Variants in B3GALT4 observed in about 807,000 individuals in gnomAD.
The protein encoded by B3GALT4 is beta-1,3-galactosyltransferase 4.
Under a neutral mutation model 1.6 loss-of-function variants are expected in B3GALT4, and 1 was observed. The ratio of observed to expected loss-of-function variants is 0.64; its 90% CI spans 0.23 to 3.05. The LOEUF is 3.05. Among genes scored for constraint, B3GALT4 ranks in the 30% most tolerant of loss-of-function variants. The pLI, the probability that B3GALT4 is intolerant of heterozygous loss-of-function variation, is 0.21. For missense variants in B3GALT4, 441 were observed against 486.9 expected (o/e 0.91, Z 0.89); for synonymous variants, 259 against 222.6 (o/e 1.16, Z -1.46).
At position 33,277,941 on chromosome 6, in the gene B3GALT4, G is replaced by C. The variant is rs113873727; in HGVS notation, c.522G>C (p.Thr174=). Residue 174 remains threonine, a synonymous_variant, in exon 1 of 1, where the codon ACG becomes ACC. Coordinates refer to ENST00000451237, the MANE Select transcript of B3GALT4 (RefSeq NM_003782.4). The surrounding 1 kb of genome is among the most constrained non-coding windows in gnomAD (Gnocchi z 5.3). ...HCPMARYVLK[T]DDDVYVNVPE... ...CCATGGCCCGATACGTCCTCAAGACGGACGATGATGTGTATGTCAACGTCC... is the reference window on the plus strand; with the variant it reads ...CCATGGCCCGATACGTCCTCAAGACCGACGATGATGTGTATGTCAACGTCC... The C allele has an allele frequency of 2.5e-6, 4 of 1,614,222 alleles. No individual in the cohort carries two copies. The highest frequency in any genetic ancestry group is 3.4e-6 in the Non-Finnish European group (4 of 1,180,042).
Position 33,278,726 on chromosome 6 carries a change from TGGTCATC to T in B3GALT4, c.*173_*179del. 8.1e-7 allele frequency: 1 copy of T among 1,228,174 alleles called. No individual in the cohort carries two copies. The highest frequency in any genetic ancestry group is 2.9e-5 in the East Asian group (1 of 34,050). The allele number at this position is 1,228,174 out of a possible 1,614,324, so 76.1% of individuals were successfully genotyped here. A position where few individuals can be genotyped will look rare whatever the true frequency, so the allele number is the denominator to read the frequency against. On this transcript the variant is annotated 3_prime_UTR_variant, in exon 1 of 1. Transcript: ENST00000451237. This position sits in a 1 kb window ranked among gnomAD's most constrained non-coding sequence, Gnocchi z 5.2. ...GGGCCTGGCCCGCCAGCCCAAAAGA[TGGTCATC>T]GGGAAGAGAAAAAGAAAAAAATGCT...
rs374734843 is a variant in B3GALT4 at position 33,277,189 on chromosome 6, A to G, written c.-231A>G. 1.6e-6 allele frequency: 1 copy of G among 610,608 alleles called. No individual in the cohort carries two copies. Among genetic ancestry groups the G allele is most frequent in the Non-Finnish European group, 2.6e-6 (1 of 384,276 alleles). 37.8% of individuals were successfully genotyped at this position (610,608 alleles called of 1,614,324 possible). On this transcript the variant is annotated 5_prime_UTR_variant, in exon 1 of 1. Transcript: ENST00000451237. The surrounding 1 kb of genome is among the most constrained non-coding windows in gnomAD (Gnocchi z 5.3). ...CCGCAGTCGGCCAGCCATGGAGCGG[A>G]GCTTGCTGGCGGCGAGGCCGCGGCG...
At position 33,277,447 on chromosome 6, in the gene B3GALT4, C is replaced by T. The variant is rs1765728480; in HGVS notation, c.28C>T (p.Leu10Phe). 1.9e-6 allele frequency: 3 copies of T among 1,612,292 alleles called. No individual in the cohort carries two copies. Among genetic ancestry groups the T allele is most frequent in the South Asian group, 1.1e-5 (1 of 91,050 alleles). ...GCAGCTCAGGCTCTTCCGGCGCCTC[C>T]TTCTCGCCGCTTTGCTGCTGGTGAT... MQLRLFRRL[L>F]LAALLLVIVW... The change falls in exon 1 of 1, where the codon CTT becomes TTT. Residue 10 changes from leucine to phenylalanine, a missense_variant. Physicochemically the swap from Leu to Phe is conservative, Grantham distance 22 (BLOSUM62 0). Coordinates refer to ENST00000451237, the MANE Select transcript of B3GALT4 (RefSeq NM_003782.4). This position sits in a 1 kb window ranked among gnomAD's most constrained non-coding sequence, Gnocchi z 5.3.
rs1445285786 is a variant in B3GALT4, at chr6:33,277,932, C to T, written c.513C>T (p.Val171=). 2 of 1,614,216 alleles carry T rather than the reference C, an allele frequency of 1.2e-6. No homozygotes were observed. The highest frequency in any genetic ancestry group is 1.7e-5 in the Admixed American group (1 of 60,032). Residue 171 remains valine, a synonymous_variant, in exon 1 of 1, where the codon GTC becomes GTT. Transcript: ENST00000451237. This position sits in a 1 kb window ranked among gnomAD's most constrained non-coding sequence, Gnocchi z 5.3. ...AEKHCPMARY[V]LKTDDDVYVN... ...AACACTGCCCCATGGCCCGATACGT[C>T]CTCAAGACGGACGATGATGTGTATG...
In B3GALT4 at chr6:33,277,455, C is replaced by T. The variant is rs1765730149; in HGVS notation, c.36C>T (p.Ala12=). Reference sequence around the variant, plus strand: ...GGCTCTTCCGGCGCCTCCTTCTCGCCGCTTTGCTGCTGGTGATCGTCTGGA... The same window carrying T: ...GGCTCTTCCGGCGCCTCCTTCTCGCTGCTTTGCTGCTGGTGATCGTCTGGA... ...QLRLFRRLLL[A]ALLLVIVWTL... The change falls in exon 1 of 1, where the codon GCC becomes GCT. Residue 12 remains alanine, a synonymous_variant. Transcript: ENST00000451237. This position sits in a 1 kb window ranked among gnomAD's most constrained non-coding sequence, Gnocchi z 5.3. 6.2e-7 allele frequency: 1 copy of T among 1,612,554 alleles called. No individual in the cohort carries two copies. Among genetic ancestry groups the T allele is most frequent in the Non-Finnish European group, 8.5e-7 (1 of 1,179,966 alleles).
chr6:33,278,772 C>A lies in B3GALT4; in HGVS notation c.*216C>A. ...GAAAAAAATGCTGCAGTTGTTCTCT[C>A]AAGCTAGGGCAGAAGAGGGGTGTCA... On this transcript the variant is annotated 3_prime_UTR_variant, in exon 1 of 1. Transcript: ENST00000451237. This position sits in a 1 kb window ranked among gnomAD's most constrained non-coding sequence, Gnocchi z 5.2. 1.2e-6 allele frequency: 1 copy of A among 812,600 alleles called. No homozygotes were observed. Among genetic ancestry groups the A allele is most frequent in the Non-Finnish European group, 1.8e-6 (1 of 565,762 alleles). 50.3% of individuals were successfully genotyped at this position (812,600 alleles called of 1,614,324 possible).
Position 33,277,377 on chromosome 6 carries a change from T to G in B3GALT4, c.-43T>G. On this transcript the variant is annotated 5_prime_UTR_variant, in exon 1 of 1. Transcript: ENST00000451237. This position sits in a 1 kb window ranked among gnomAD's most constrained non-coding sequence, Gnocchi z 5.3. ...GTGACCCAGGCCCGGGGAGCTAGTC[T>G]CCGCCCTTCGCTCTTACGGATCCCC... The G allele has an allele frequency of 6.3e-6, 10 of 1,588,648 alleles. No homozygotes were observed. Among genetic ancestry groups the G allele is most frequent in the Non-Finnish European group, 7.7e-6 (9 of 1,171,146 alleles).
In B3GALT4 at chr6:33,277,329, C is replaced by T. The variant is rs987552032; in HGVS notation, c.-91C>T. 4.0e-6 allele frequency: 6 copies of T among 1,503,714 alleles called. No homozygotes were observed. The African/African-American group carries it at 7.0e-5, about 18-fold the overall frequency. The allele number at this position is 1,503,714 out of a possible 1,614,324, so 93.1% of individuals were successfully genotyped here. A position where few individuals can be genotyped will look rare whatever the true frequency, so the allele number is the denominator to read the frequency against. ...CGCGCTCAGACCTCCGCATCCCGGG[C>T]GTGGTCGGTTAAGTCCCCGGCCGTG... On this transcript the variant is annotated 5_prime_UTR_variant, in exon 1 of 1. Coordinates refer to ENST00000451237, the MANE Select transcript of B3GALT4 (RefSeq NM_003782.4). This position sits in a 1 kb window ranked among gnomAD's most constrained non-coding sequence, Gnocchi z 5.3.
chr6:33,278,135 C>T lies in B3GALT4; in HGVS notation c.716C>T (p.Thr239Ile). The T allele has an allele frequency of 6.2e-7, 1 of 1,613,700 alleles. No homozygotes were observed. The highest frequency in any genetic ancestry group is 8.5e-7 in the Non-Finnish European group (1 of 1,179,962). The change falls in exon 1 of 1, where the codon ACA becomes ATA. Residue 239 changes from threonine (T) to isoleucine (I), a missense_variant. Thr to Ile is a moderately conservative substitution (Grantham distance 89). Transcript: ENST00000451237. This position sits in a 1 kb window ranked among gnomAD's most constrained non-coding sequence, Gnocchi z 5.2. ...CACTGGCGCGTGAACCCCTCTCGGACACCGGGGGGCAGGCACCGCGTATCA... is the reference window on the plus strand; with the variant it reads ...CACTGGCGCGTGAACCCCTCTCGGATACCGGGGGGCAGGCACCGCGTATCA... ...RVHWRVNPSR[T>I]PGGRHRVSEE...
At position 33,277,578 on chromosome 6, in the gene B3GALT4, G is replaced by A; in HGVS notation, c.159G>A (p.Leu53=). The part of the protein sequence containing the change: ...APASPGPPLA[L]PRLLIPNQEA... ...CCTCACCGGGGCCGCCCCTGGCCCT[G>A]CCCCGCCTCTTGATCCCCAACCAGG... The change falls in exon 1 of 1, where the codon CTG becomes CTA. Residue 53 remains leucine, a synonymous_variant. Transcript: ENST00000451237. The surrounding 1 kb of genome is among the most constrained non-coding windows in gnomAD (Gnocchi z 5.3). The A allele has an allele frequency of 1.2e-6, 2 of 1,611,766 alleles. No homozygotes were observed. The highest frequency in any genetic ancestry group is 1.7e-6 in the Non-Finnish European group (2 of 1,179,094).
chr6:33,277,313 ACCT>A lies in B3GALT4; in HGVS notation c.-104_-102del, dbSNP rs1413825133. On this transcript the variant is annotated 5_prime_UTR_variant, in exon 1 of 1. Transcript: ENST00000451237. The surrounding 1 kb of genome is among the most constrained non-coding windows in gnomAD (Gnocchi z 5.3). The stretch of plus-strand genomic sequence containing the variant: ...GCGCTGGTCCCGGTCGCGCGCTCAG[ACCT>A]CCGCATCCCGGGCGTGGTCGGTTAA... The A allele has an allele frequency of 3.4e-6, 5 of 1,492,512 alleles. No homozygotes were observed. The highest frequency in any genetic ancestry group is 2.7e-6 in the Non-Finnish European group (3 of 1,130,670). The allele number at this position is 1,492,512 out of a possible 1,614,324, so 92.5% of individuals were successfully genotyped here. A position where few individuals can be genotyped will look rare whatever the true frequency, so the allele number is the denominator to read the frequency against.
chr6:33,278,285 T>C lies in B3GALT4; in HGVS notation c.866T>C (p.Leu289Ser), dbSNP rs745864964. 1 of 1,613,818 alleles carries C rather than the reference T, an allele frequency of 6.2e-7. No homozygotes were observed. Among genetic ancestry groups the C allele is most frequent in the East Asian group, 2.2e-5 (1 of 44,872 alleles). ...GCCAGCCGGGCACCCCTTCTCCCAT[T>C]AGAGGATGTCTTTGTGGGGGTAAGT... ...KVASRAPLLP[L>S]EDVFVGVSAR... The change falls in exon 1 of 1, where the codon TTA (leucine) becomes TCA (serine). Residue 289 changes from leucine (L) to serine (S), a missense_variant. By Grantham distance (145) the Leu-to-Ser change is moderately radical. Coordinates refer to ENST00000451237, the MANE Select transcript of B3GALT4 (RefSeq NM_003782.4). This position sits in a 1 kb window ranked among gnomAD's most constrained non-coding sequence, Gnocchi z 5.2.
At position 33,277,629 on chromosome 6, in the gene B3GALT4, TC is replaced by T. The variant is rs756753916; in HGVS notation, c.213del (p.Phe72SerfsTer13). 6.2e-7 allele frequency: 1 copy of T among 1,613,332 alleles called. No individual in the cohort carries two copies. Among genetic ancestry groups the T allele is most frequent in the African/African-American group, 1.3e-5 (1 of 74,908 alleles). On this transcript the variant is annotated frameshift_variant, in exon 1 of 1. Coordinates refer to ENST00000451237, the MANE Select transcript of B3GALT4 (RefSeq NM_003782.4). LOFTEE classifies it low-confidence loss of function (END_TRUNC). This position sits in a 1 kb window ranked among gnomAD's most constrained non-coding sequence, Gnocchi z 5.3. ...QEACSGPGAPPFLLILVCTAP... is the reference protein window; with the variant it reads ...QEACSGPGAPXFLLILVCTAP... ...AAGCTTGCAGTGGTCCCGGGGCCCC[TC>T]CCTTCCTGCTCATCCTGGTGTGCAC...
Position 33,277,144 on chromosome 6 carries a change from C to T in B3GALT4, c.-276C>T, listed in dbSNP as rs890664506. On this transcript the variant is annotated 5_prime_UTR_variant, in exon 1 of 1. Transcript: ENST00000451237. The surrounding 1 kb of genome is among the most constrained non-coding windows in gnomAD (Gnocchi z 5.3). Reference sequence around the variant, plus strand: ...CGGCAGACCGGCCGCCGGGGCGAGGCGGGGGAGGGGCCGTGAGTGCCGCAG... The same window carrying T: ...CGGCAGACCGGCCGCCGGGGCGAGGTGGGGGAGGGGCCGTGAGTGCCGCAG... 7.5e-6 allele frequency: 3 copies of T among 400,288 alleles called. No homozygotes were observed. Among genetic ancestry groups the T allele is most frequent in the Non-Finnish European group, 8.6e-6 (2 of 231,908 alleles). The allele number at this position is 400,288 out of a possible 1,614,324, so 24.8% of individuals were successfully genotyped here.
chr6:33,277,474 G>A lies in B3GALT4; in HGVS notation c.55G>A (p.Val19Ile), dbSNP rs1024694790. 1 of 1,612,808 alleles carries A rather than the reference G, an allele frequency of 6.2e-7. No individual in the cohort carries two copies. Among genetic ancestry groups the A allele is most frequent in the Non-Finnish European group, 8.5e-7 (1 of 1,179,986 alleles). ...LLLAALLLVIVWTLFGPSGLG... is the reference protein window; with the variant it reads ...LLLAALLLVIIWTLFGPSGLG... ...TCTCGCCGCTTTGCTGCTGGTGATC[G>A]TCTGGACCCTCTTCGGGCCTTCGGG... is the stretch of plus-strand genomic sequence containing the variant. Residue 19 changes from valine (V) to isoleucine (I), a missense_variant, in exon 1 of 1, where the codon GTC (valine) becomes ATC (isoleucine). Val to Ile is a conservative substitution (Grantham distance 29). Transcript: ENST00000451237. The surrounding 1 kb of genome is among the most constrained non-coding windows in gnomAD (Gnocchi z 5.3).
In B3GALT4 at chr6:33,277,612, A is replaced by G. The variant is rs772747220; in HGVS notation, c.193A>G (p.Ser65Gly). 16 of 1,612,892 alleles carry G rather than the reference A, an allele frequency of 9.9e-6. 1 individual carries two copies. The highest frequency in any genetic ancestry group is 6.7e-5 in the East Asian group (3 of 44,854). ...RLLIPNQEAC[S>G]GPGAPPFLLI... is the part of the protein sequence containing the mutation. Reference sequence around the variant, plus strand: ...CTTGATCCCCAACCAGGAAGCTTGCAGTGGTCCCGGGGCCCCTCCCTTCCT... The same window carrying G: ...CTTGATCCCCAACCAGGAAGCTTGCGGTGGTCCCGGGGCCCCTCCCTTCCT... Residue 65 changes from serine (S) to glycine (G), a missense_variant, in exon 1 of 1, where the codon AGT (serine) becomes GGT (glycine). Ser to Gly is a moderately conservative substitution (Grantham distance 56). Coordinates refer to ENST00000451237, the MANE Select transcript of B3GALT4 (RefSeq NM_003782.4). The surrounding 1 kb of genome is among the most constrained non-coding windows in gnomAD (Gnocchi z 5.3).
rs1765734191 is a variant in B3GALT4 at position 33,277,489 on chromosome 6, G to C, written c.70G>C (p.Gly24Arg). The C allele has an allele frequency of 6.2e-7, 1 of 1,612,788 alleles. No homozygotes were observed. The highest frequency in any genetic ancestry group is 8.5e-7 in the Non-Finnish European group (1 of 1,179,962). ...GCTGGTGATCGTCTGGACCCTCTTC[G>C]GGCCTTCGGGGTTGGGGGAGGAGCT... ...LLLVIVWTLFGPSGLGEELLS... is the reference protein window; with the variant it reads ...LLLVIVWTLFRPSGLGEELLS... The change falls in exon 1 of 1, where the codon GGG becomes CGG. Residue 24 changes from glycine (G) to arginine (R), a missense_variant. By Grantham distance (125) the Gly-to-Arg change is moderately radical. Transcript: ENST00000451237. The surrounding 1 kb of genome is among the most constrained non-coding windows in gnomAD (Gnocchi z 5.3).
chr6:33,278,152 C>G lies in B3GALT4; in HGVS notation c.733C>G (p.Arg245Gly). 1.2e-6 allele frequency: 2 copies of G among 1,613,326 alleles called. No individual in the cohort carries two copies. Among genetic ancestry groups the G allele is most frequent in the Non-Finnish European group, 1.7e-6 (2 of 1,179,982 alleles). The stretch of plus-strand genomic sequence containing the variant: ...CTCTCGGACACCGGGGGGCAGGCAC[C>G]GCGTATCAGAGGAGCAGTGGCCTCA... ...NPSRTPGGRH[R>G]VSEEQWPHTW... The change falls in exon 1 of 1, where the codon CGC becomes GGC. Residue 245 changes from arginine to glycine, a missense_variant. Transcript: ENST00000451237. The surrounding 1 kb of genome is among the most constrained non-coding windows in gnomAD (Gnocchi z 5.2).
In B3GALT4 at chr6:33,277,965, C is replaced by T; in HGVS notation, c.546C>T (p.Val182=). 4 of 1,614,214 alleles carry T rather than the reference C, an allele frequency of 2.5e-6. No individual in the cohort carries two copies. The highest frequency in any genetic ancestry group is 3.4e-6 in the Non-Finnish European group (4 of 1,180,032). ...LKTDDDVYVN[V]PELVSELVLR... is the part of the protein sequence containing the mutation. ...CGGACGATGATGTGTATGTCAACGT[C>T]CCTGAACTGGTATCAGAGCTGGTCT... Residue 182 remains valine, a synonymous_variant, in exon 1 of 1, where the codon GTC becomes GTT. Coordinates refer to ENST00000451237, the MANE Select transcript of B3GALT4 (RefSeq NM_003782.4). This position sits in a 1 kb window ranked among gnomAD's most constrained non-coding sequence, Gnocchi z 5.3.
Sources: gnomAD v4.1 joint callset for allele counts on GRCh38, gnomAD v4.1.1 for gene constraint, Gnocchi (gnomAD v3.1) non-coding constraint, MANE v1.5 for transcripts, NCBI Gene and HGNC (gene_info 2026-07-23, HGNC 2026-07-21) for gene names.